The following USP34 variants were observed in gnomAD, a reference collection of about 807,000 sequenced individuals.
USP34 encodes ubiquitin carboxyl-terminal hydrolase 34.
A neutral mutation model predicts 460.3 loss-of-function variants in USP34; 70 were observed. That is an observed-to-expected ratio of 0.15 (90% CI 0.13 to 0.19). USP34 has a LOEUF of 0.19. Ranked by LOEUF, USP34 falls within the 10% of genes least tolerant of loss-of-function variation. The probability of loss-of-function intolerance (pLI) is 1.00; values close to 1 mark genes in which losing one functional copy is unlikely to be tolerated. For synonymous variants in USP34, 1,647 were observed against 1,405.3 expected, an observed-to-expected ratio of 1.17 and a Z score of -3.85; for missense variants, 3,985 against 4,236.2, an observed-to-expected ratio of 0.94 and a Z score of 1.65.
chr2:61,443,942 T>A lies in USP34; in HGVS notation c.44-23109A>T, dbSNP rs566109401. Among the ~76,000 whole-genome samples the A allele has an allele frequency of 3.9e-5, 6 of 152,276 alleles. No homozygotes were observed. In the East Asian group the frequency reaches 9.6e-4, roughly 24 times the overall value. ...GCATACCGGAAATATCTGCACCTTA[T>A]GCTCAATTTTGGTGTGAACTAAAAA... On this transcript the variant is annotated intron_variant, in intron 1 of 79. Transcript: ENST00000398571.
At chr2:61,261,116 A>T (rs1002249909) in intron 43 of USP34, among the ~76,000 whole-genome samples, 1 of 152,210 alleles carries the variant, frequency 6.6e-6, no homozygotes, top group East Asian at 1.9e-4. Context: ...TCAAAAAACT[A>T]AACACACAAT....
chr2:61,222,687 C>T (rs1687619940), intron 64 of USP34, 24 bp from the exon 65 acceptor site: 4 of 1,605,896 alleles, frequency 2.5e-6, no homozygotes, highest in East Asian at 4.5e-5. Context: ...AGGAGGATTT[C>T]AGGATATTCT....
chr2:61,413,541 T>C (rs946548226), intron 2 of USP34, among the ~76,000 whole-genome samples: 12 of 138,522 alleles, frequency 8.7e-5, no homozygotes, highest in Non-Finnish European at 9.2e-5. Flanking sequence ...ACCCCGTCTC[T>C]ACTAGATACT....
intron 57 of USP34, 44 bp downstream of exon 57, chr2:61,235,801 A>G: frequency 1.1e-5 from 17 of 1,585,096 alleles, no homozygotes; most frequent in Non-Finnish European, 1.4e-5. Flanking sequence ...GGGAAAAAAA[A>G]AAGAATCTTA....
chr2:61,465,199 G>T (rs1391323387), intron 1 of USP34, among the ~76,000 whole-genome samples: 1 of 151,694 alleles, frequency 6.6e-6, no homozygotes, highest in Non-Finnish European at 1.5e-5. Flanking sequence ...AAAAGGGTGG[G>T]TGTGGTGGGG....
intron 20 of USP34, among the ~76,000 whole-genome samples, chr2:61,327,028 C>G (rs1691116909): frequency 6.6e-6 from 1 of 151,890 alleles, no homozygotes; most frequent in Admixed American, 6.6e-5. Flanking sequence ...TCAGGTGACC[C>G]ACCCACCTTG....
intron 27 of USP34, among the ~76,000 whole-genome samples, chr2:61,310,550 C>T (rs1027479501): frequency 6.6e-6 from 1 of 150,872 alleles, no homozygotes; most frequent in Non-Finnish European, 1.5e-5. Flanking sequence ...ATCTATATAG[C>T]ACATATATAT....
chr2:61,218,956 G>C (rs561956495), intron 67 of USP34, among the ~76,000 whole-genome samples: 2 of 152,234 alleles, frequency 1.3e-5, no homozygotes, highest in South Asian at 2.1e-4. Context: ...CCCATTCCTT[G>C]GAAGAAAGTC....
intron 1 of USP34, among the ~76,000 whole-genome samples, chr2:61,455,193 TTTTGAGACAGAGTCTCCGTC>T (rs1695401277): frequency 6.6e-6 from 1 of 151,552 alleles, no homozygotes. Context: ...TTTTGTTTGT[TTTTGAGACAGAGTCTCCGTC>T]TGTCACCCAA....
At chr2:61,238,494 G>C (rs926312965) in intron 53 of USP34, among the ~76,000 whole-genome samples, 3 of 152,082 alleles carry the variant, frequency 2.0e-5, no homozygotes, top group Non-Finnish European at 4.4e-5. Flanking sequence ...TTATCTGTAA[G>C]AATCATTACA....
Position 61,453,886 on chromosome 2 carries a change from C to G in USP34, c.43+16764G>C, listed in dbSNP as rs770564483. Among the ~76,000 whole-genome samples the G allele has an allele frequency of 4.0e-5, 6 of 151,774 alleles. No individual in the cohort carries two copies. In the East Asian group the frequency reaches 1.2e-3, roughly 29 times the overall value. On this transcript the variant is annotated intron_variant, in intron 1 of 79. Transcript: ENST00000398571. ...ATTCAAAAGACTAAAAGTAGGCTGC[C>G]ATTAAATTCTGTTCTCAGATACTTG...
intron 27 of USP34, among the ~76,000 whole-genome samples, chr2:61,305,165 A>G (rs941869086): frequency 2.0e-5 from 3 of 152,080 alleles, no homozygotes; most frequent in Non-Finnish European, 4.4e-5. Flanking sequence ...TTCTACTAAA[A>G]ATACAACAAT....
chr2:61,312,846 C>G (rs973490623), intron 25 of USP34, among the ~76,000 whole-genome samples: 1 of 152,206 alleles, frequency 6.6e-6, no homozygotes, highest in East Asian at 1.9e-4. Flanking sequence ...CCAGGGATTA[C>G]GTACTATGTC....
intron 5 of USP34, among the ~76,000 whole-genome samples, chr2:61,390,554 T>A (rs1052575632): frequency 3.3e-5 from 5 of 152,152 alleles, no homozygotes; most frequent in African/African-American, 1.2e-4. Flanking sequence ...ATATAATAGG[T>A]GGAATAATAT....
Position 61,188,983 on chromosome 2 carries a change from T to G in USP34, c.9960A>C (p.Leu3320Phe). ...PALIPTLQEL[L>F]SKCRTCLQQR... ...GTTGCAGACAAGTCCTGCATTTGCT[T>G]AAAAGCTCTTGCAGAGTTGGAATTA... The change falls in exon 79 of 80, where the codon TTA (leucine) becomes TTC (phenylalanine). Residue 3320 changes from leucine to phenylalanine, a missense_variant. By Grantham distance (22) the Leu-to-Phe change is conservative. Around this residue, in one of 14 missense-constraint regions of USP34, gnomAD observed 506 missense variants for 439.0 expected, o/e 1.15. Transcript: ENST00000398571. The G allele has an allele frequency of 6.2e-7, 1 of 1,614,236 alleles. No homozygotes were observed. The highest frequency in any genetic ancestry group is 8.5e-7 in the Non-Finnish European group (1 of 1,180,040).
intron 1 of USP34, among the ~76,000 whole-genome samples, chr2:61,469,626 T>C (rs1212984114): frequency 6.6e-6 from 1 of 152,214 alleles, no homozygotes; most frequent in Non-Finnish European, 1.5e-5. Context: ...TCAACTGTTT[T>C]AGCGAATTGT....
rs754504021 is a variant in USP34, at chr2:61,188,397, T to C, written c.10346A>G (p.Glu3449Gly). The change falls in exon 80 of 80, where the codon GAA (glutamate) becomes GGA (glycine). Residue 3449 changes from glutamate (E) to glycine (G), a missense_variant. Glu to Gly is a moderately conservative substitution (Grantham distance 98). Coordinates refer to ENST00000398571, the MANE Select transcript of USP34 (RefSeq NM_014709.4). Reference protein sequence around the residue: ...SNNGRYDDCKEFKDLHCSKDS... With the variant: ...SNNGRYDDCKGFKDLHCSKDS... ...CTTGGAACAGTGGAGGTCTTTAAAT[T>C]CTTTACAATCGTCATATCTACCATT... is the stretch of plus-strand genomic sequence containing the variant. 6.2e-7 allele frequency: 1 copy of C among 1,614,168 alleles called. No individual in the cohort carries two copies. The highest frequency in any genetic ancestry group is 1.1e-5 in the South Asian group (1 of 91,084).
rs1442353966 is a variant in USP34 at position 61,203,226 on chromosome 2, T to C, written c.9422A>G (p.Tyr3141Cys). ...DDVYDRMLLD[Y>C]FFSYHQFIHL... ...GATGAACTGATGATAAGAAAAGAAGTAGTCTAGCAGCATACGATCATAAAC... is the reference window on the plus strand; with the variant it reads ...GATGAACTGATGATAAGAAAAGAAGCAGTCTAGCAGCATACGATCATAAAC... The change falls in exon 75 of 80, where the codon TAC becomes TGC. Residue 3141 changes from tyrosine (Y) to cysteine (C), a missense_variant. This residue lies in a region of USP34 where 28 missense variants were observed against 36.8 expected (regional missense o/e 0.76). Transcript: ENST00000398571. The C allele has an allele frequency of 7.5e-6, 12 of 1,601,246 alleles. No homozygotes were observed. The highest frequency in any genetic ancestry group is 1.0e-5 in the Non-Finnish European group (12 of 1,174,014).
At chr2:61,383,157 T>G in intron 6 of USP34, 112 bp downstream of exon 6, 1 of 628,558 alleles carries the variant, frequency 1.6e-6, no homozygotes, top group Non-Finnish European at 2.5e-6. Flanking sequence ...TACTTGAAAT[T>G]TTCTCTAGAG....
Sources: allele counts gnomAD v4.1 joint callset (sites outside exome capture counted in the v4.1 genomes callset), GRCh38; gene constraint gnomAD v4.1.1; regional missense constraint gnomAD v4.1.1; transcripts MANE v1.5; gene names NCBI Gene and HGNC (gene_info 2026-07-23, HGNC 2026-07-21).